Variants in TBCD observed in about 807,000 individuals in gnomAD.
The protein encoded by TBCD is tubulin-specific chaperone D.
A neutral mutation model predicts 169.3 loss-of-function variants in TBCD; 105 were observed. That is an observed-to-expected ratio of 0.62 (90% CI 0.53 to 0.73). TBCD has a LOEUF of 0.73. TBCD is among the 30% of genes least tolerant of loss of function. The pLI is 0.00. For synonymous variants in TBCD, 700 were observed against 643.9 expected (o/e 1.09, Z -1.32); for missense variants, 1,444 against 1,600.1 (o/e 0.90, Z 1.66).
chr17:82,931,910 T>C (rs1024849814), intron 33 of TBCD: 1 of 152,432 alleles, frequency 6.6e-6, no homozygotes, highest in African/African-American at 2.4e-5. Context: ...CTGCTGATGC[T>C]GTCTGAGGTC....
Position 82,768,402 on chromosome 17 carries a change from C to T in TBCD, c.436-18C>T, listed in dbSNP as rs116250220. 1.9e-3 allele frequency: 3,025 copies of T among 1,613,472 alleles called. 48 individuals carry two copies. In the African/African-American group the frequency reaches 0.035, roughly 19 times the overall value. ...ATTTTCAAGCAAGACTCATTCTTCC[C>T]GTGGTTTAATTTTTTAGGCTTGGGA... On this transcript the variant is annotated intron_variant, in intron 4 of 38. Coordinates refer to ENST00000355528, the MANE Select transcript of TBCD (RefSeq NM_005993.5).
chr17:82,755,236 GT>G (rs2047341571), intron 1 of TBCD, among the ~76,000 whole-genome samples: 1 of 152,208 alleles, frequency 6.6e-6, no homozygotes, highest in Admixed American at 6.5e-5. Context: ...GGAGACCAAG[GT>G]TTTTCTTATG....
chr17:82,886,826 T>C (rs1246772294), intron 15 of TBCD, among the ~76,000 whole-genome samples: 1 of 150,318 alleles, frequency 6.7e-6, no homozygotes, highest in Non-Finnish European at 1.5e-5. Flanking sequence ...TGCACCACCA[T>C]GCCCGGCTAC....
At chr17:82,929,756 G>A in intron 32 of TBCD, 2 of 607,718 alleles carry the variant, frequency 3.3e-6, no homozygotes, top group Non-Finnish European at 2.9e-6. Context: ...CAGCCTTGGA[G>A]CTCCCAGCGT....
intron 7 of TBCD, among the ~76,000 whole-genome samples, chr17:82,793,083 A>T (rs1002790100): frequency 2.0e-5 from 3 of 152,080 alleles, no homozygotes; most frequent in African/African-American, 7.2e-5. Flanking sequence ...TTTCATTTTG[A>T]TATTTGTTTT....
Position 82,873,773 on chromosome 17 carries a change from G to A in TBCD, c.1475+3393G>A, listed in dbSNP as rs540615104. The stretch of plus-strand genomic sequence containing the variant: ...GTAGGTCCTGGTGCAGGCGGGCCCC[G>A]TGCTTCATGGAGGTTGGCGCCGCTC... On this transcript the variant is annotated intron_variant, in intron 14 of 38. Transcript: ENST00000355528. Among the ~76,000 whole-genome samples the A allele has an allele frequency of 5.9e-5, 9 of 152,180 alleles. No homozygotes were observed. The South Asian group carries it at 6.2e-4, about 11-fold the overall frequency.
In TBCD at chr17:82,907,087, C is replaced by T. The variant is rs183315585; in HGVS notation, c.1923-674C>T. Among the ~76,000 whole-genome samples the T allele has an allele frequency of 9.7e-3, 1,480 of 152,346 alleles. 83 individuals are homozygous for T. The highest frequency in any genetic ancestry group is 0.087 in the Admixed American group (1,332 of 15,294). ...TGGGGTCTGGCCACGTGGGCACCTC[C>T]GCCTGGCACGAAACAAAATTCCAGA... On this transcript the variant is annotated intron_variant, in intron 20 of 38. Transcript: ENST00000355528.
chr17:82,878,063 G>A (rs1028718515), intron 14 of TBCD, among the ~76,000 whole-genome samples: 11 of 152,188 alleles, frequency 7.2e-5, no homozygotes, highest in African/African-American at 2.7e-4. Flanking sequence ...AACCAGTGGA[G>A]TTCTTCTAGA....
chr17:82,923,627 G>T lies in TBCD; in HGVS notation c.2179-25G>T. 2 of 1,549,364 alleles carry T rather than the reference G, an allele frequency of 1.3e-6. No individual in the cohort carries two copies. The highest frequency in any genetic ancestry group is 1.7e-6 in the Non-Finnish European group (2 of 1,143,958). On this transcript the variant is annotated intron_variant, in intron 25 of 38. Transcript: ENST00000355528. This position sits in a 1 kb window ranked among gnomAD's most constrained non-coding sequence, Gnocchi z 4.6. ...GCTTCTCCGAGCAGAGCTGCTGTGC[G>T]CTCACCGTGCTGCCTTTGTTTTAGG...
chr17:82,860,766 C>T (rs56310770), intron 13 of TBCD, among the ~76,000 whole-genome samples: 5,816 of 152,298 alleles, frequency 0.038, 147 homozygotes, highest in Non-Finnish European at 0.057. Context: ...GTTTCATCGC[C>T]CGTGTCCGGG....
chr17:82,784,473 GGGCAGGGAGGACTCA>G (rs931858122), intron 7 of TBCD, among the ~76,000 whole-genome samples: 64 of 152,326 alleles, frequency 4.2e-4, no homozygotes, highest in Non-Finnish European at 6.3e-4. Context: ...TGGAGGGGTA[GGGCAGGGAGGACTCA>G]GGTCTCGGAC....
At chr17:82,776,934 A>G (rs931200335) in intron 6 of TBCD, among the ~76,000 whole-genome samples, 1 of 151,988 alleles carries the variant, frequency 6.6e-6, no homozygotes, top group African/African-American at 2.4e-5. Context: ...TAGGTGTTAC[A>G]TACTCCGCTT....
chr17:82,899,324 C>CGCGTCCTCAGCTCGT (rs1567988817), intron 17 of TBCD, among the ~76,000 whole-genome samples: 3 of 150,768 alleles, frequency 2.0e-5, no homozygotes, highest in Admixed American at 6.6e-5. Flanking sequence ...CCTCAGCGCG[C>CGCGTCCTCAGCTCGT]GCGTCCTCAG....
chr17:82,814,781 G>A, intron 12 of TBCD, 59 bp from the exon 13 acceptor site: 1 of 1,549,906 alleles, frequency 6.5e-7, no homozygotes, highest in South Asian at 1.1e-5. Flanking sequence ...GCCATGCTGT[G>A]GGCTTTGAAC....
At chr17:82,850,516 TGTTGTTGGCTGTGCTGTTGTTAGCTGTGC>T (rs2055691721) in intron 13 of TBCD, among the ~76,000 whole-genome samples, 1 of 103,912 alleles carries the variant, frequency 9.6e-6, no homozygotes, top group Admixed American at 1.1e-4. Context: ...TTGGCTGTGC[TGTTGTTGGCTGTGCTGTTGTTAGCTGTGC>T]TGTTGTTGGC....
At chr17:82,810,711 G>A (rs193214662) in intron 12 of TBCD, among the ~76,000 whole-genome samples, 9 of 152,360 alleles carry the variant, frequency 5.9e-5, no homozygotes, top group Non-Finnish European at 1.2e-4. Flanking sequence ...GCGGAGGGTC[G>A]AGAGCAGGCG....
In TBCD at chr17:82,842,501, C is replaced by T. The variant is rs78706827; in HGVS notation, c.1318+27567C>T. On this transcript the variant is annotated intron_variant, in intron 13 of 38. Coordinates refer to ENST00000355528, the MANE Select transcript of TBCD (RefSeq NM_005993.5). ...CTGCCCCCATGTCTGCCTTCCCCGT[C>T]ACCCAGGGGGTTTTGCCTGCCTCTC... Among the ~76,000 whole-genome samples the T allele has an allele frequency of 8.3e-3, 1,267 of 152,280 alleles. 20 individuals carry two copies. Among genetic ancestry groups the T allele is most frequent in the African/African-American group, 0.029 (1,186 of 41,558 alleles).
chr17:82,814,858 G>A lies in TBCD; in HGVS notation c.1242G>A (p.Lys414=), dbSNP rs1405070356. 2.5e-6 allele frequency: 4 copies of A among 1,613,794 alleles called. No individual in the cohort carries two copies. Among genetic ancestry groups the A allele is most frequent in the Non-Finnish European group, 3.4e-6 (4 of 1,179,878 alleles). Residue 414 remains lysine (K), a synonymous_variant, in exon 13 of 39, where the codon AAG becomes AAA. Coordinates refer to ENST00000355528, the MANE Select transcript of TBCD (RefSeq NM_005993.5). ...CTCTCAGTTTCCAGGAGACTGACAA[G>A]GCGTGGCATGGGGGATGTCTGGCGC... ...LDCFSFQETD[K]AWHGGCLALA... is the part of the protein sequence containing the mutation.
intron 1 of TBCD, among the ~76,000 whole-genome samples, chr17:82,752,920 G>A (rs980020250): frequency 1.3e-5 from 2 of 152,220 alleles, no homozygotes; most frequent in African/African-American, 4.8e-5. Flanking sequence ...TCCGTTCCGT[G>A]GACGCCGTGG....
Sources: allele counts gnomAD v4.1 joint callset (sites outside exome capture counted in the v4.1 genomes callset), GRCh38; gene constraint gnomAD v4.1.1; non-coding constraint Gnocchi (gnomAD v3.1); transcripts MANE v1.5; gene names NCBI Gene and HGNC (gene_info 2026-07-23, HGNC 2026-07-21).